NEDD4L: variants seen among roughly 807,000 people sequenced by gnomAD.
NEDD4L encodes E3 ubiquitin-protein ligase NEDD4-like.
In NEDD4L, 54 loss-of-function variants were observed where a neutral mutation model predicts 148.9. The ratio of observed to expected loss-of-function variants is 0.36; its 90% CI spans 0.29 to 0.45. The LOEUF (loss-of-function observed/expected upper bound fraction) is 0.45. Among genes scored for constraint, NEDD4L ranks in the 20% least tolerant of loss-of-function variants. The pLI is 1.00. For missense variants in NEDD4L, 856 were observed against 1,233.8 expected (o/e 0.69, Z 4.59); for synonymous variants, 433 against 440.7 (o/e 0.98, Z 0.22).
At chr18:58,218,730 G>C (rs2043413865) in intron 2 of NEDD4L, among the ~76,000 whole-genome samples, 2 of 152,254 alleles carry the variant, frequency 1.3e-5, no homozygotes, top group South Asian at 4.1e-4. Flanking sequence ...GTAGTGCCCC[G>C]GTAAAAGAAA....
At chr18:58,294,218 C>T (rs2055199563) in intron 5 of NEDD4L, among the ~76,000 whole-genome samples, 1 of 152,202 alleles carries the variant, frequency 6.6e-6, no homozygotes, top group African/African-American at 2.4e-5. Flanking sequence ...TTCCCCTTTT[C>T]CACCACCACC....
chr18:58,089,814 C>T (rs894614087), intron 1 of NEDD4L, among the ~76,000 whole-genome samples: 2 of 150,998 alleles, frequency 1.3e-5, no homozygotes, highest in Non-Finnish European at 2.9e-5. Context: ...GGTCTTTATT[C>T]TGTGTCTGTG....
At chr18:58,064,563 A>G (rs1227029170) in intron 1 of NEDD4L, among the ~76,000 whole-genome samples, 5 of 152,086 alleles carry the variant, frequency 3.3e-5, no homozygotes, top group South Asian at 2.1e-4. Context: ...CCTTTATTCA[A>G]ACTTCTCTTG....
chr18:58,229,342 A>C (rs773997463), intron 2 of NEDD4L, among the ~76,000 whole-genome samples: 2 of 152,142 alleles, frequency 1.3e-5, no homozygotes, highest in Non-Finnish European at 2.9e-5. Flanking sequence ...CTCCCGGGAC[A>C]TTAGTTGCTC....
intron 1 of NEDD4L, among the ~76,000 whole-genome samples, chr18:58,133,676 C>A (rs2032469468): frequency 6.6e-6 from 1 of 152,116 alleles, no homozygotes; most frequent in Non-Finnish European, 1.5e-5. Context: ...GGCTTATGCA[C>A]ACATCATGAT....
Position 58,256,221 on chromosome 18 carries a change from A to G in NEDD4L, c.297+4167A>G. On this transcript the variant is annotated intron_variant, in intron 5 of 30. Coordinates refer to ENST00000400345, the MANE Select transcript of NEDD4L (RefSeq NM_001144967.3). This position sits in a 1 kb window ranked among gnomAD's most constrained non-coding sequence, Gnocchi z 5.2. ...GCTGCCCCGGGCCTGCGCATCCAGCACCGCGCCTCCAGCGCCGACGTGCGC... is the reference window on the plus strand; with the variant it reads ...GCTGCCCCGGGCCTGCGCATCCAGCGCCGCGCCTCCAGCGCCGACGTGCGC... 1 of 1,224,732 alleles carries G rather than the reference A, an allele frequency of 8.2e-7. No individual in the cohort carries two copies. The allele number at this position is 1,224,732 out of a possible 1,614,324, so 75.9% of individuals were successfully genotyped here. A position where few individuals can be genotyped will look rare whatever the true frequency, so the allele number is the denominator to read the frequency against.
At position 58,343,109 on chromosome 18, in the gene NEDD4L, G is replaced by C; in HGVS notation, c.1575+6G>C. 6.3e-7 allele frequency: 1 copy of C among 1,578,472 alleles called. No homozygotes were observed. Among genetic ancestry groups the C allele is most frequent in the Non-Finnish European group, 8.6e-7 (1 of 1,161,262 alleles). On this transcript the variant is annotated splice_donor_region_variant and intron_variant, in intron 16 of 30. Coordinates refer to ENST00000400345, the MANE Select transcript of NEDD4L (RefSeq NM_001144967.3). ...ACACAAAGACTACAACCTGGGTAAG[G>C]CTGCTGCTTTTATTTGGCTCCATTT...
At chr18:58,374,313 G>T (rs1292007079) in intron 24 of NEDD4L, among the ~76,000 whole-genome samples, 4 of 152,002 alleles carry the variant, frequency 2.6e-5, no homozygotes, top group Admixed American at 6.5e-5. Flanking sequence ...CCTGGTGTGG[G>T]TGGAACCTGG....
At chr18:58,345,299 G>A (rs1292680548) in intron 16 of NEDD4L, among the ~76,000 whole-genome samples, 1 of 152,238 alleles carries the variant, frequency 6.6e-6, no homozygotes, top group African/African-American at 2.4e-5. Context: ...CCCTGCGGAA[G>A]ACACACTCTA....
At chr18:58,071,746 C>T (rs2082882661) in intron 1 of NEDD4L, among the ~76,000 whole-genome samples, 2 of 152,244 alleles carry the variant, frequency 1.3e-5, no homozygotes, top group South Asian at 4.1e-4. Flanking sequence ...GCTGGGGAGG[C>T]CTCACAATCA....
chr18:58,311,014 C>CTT (rs76708557), intron 5 of NEDD4L, among the ~76,000 whole-genome samples: 1 of 147,252 alleles, frequency 6.8e-6, no homozygotes, highest in African/African-American at 2.5e-5. Context: ...AACTCTAAAC[C>CTT]TTTTTTTTTT....
chr18:58,148,563 G>A, intron 1 of NEDD4L, among the ~76,000 whole-genome samples: 1 of 152,190 alleles, frequency 6.6e-6, no homozygotes, highest in Middle Eastern at 3.2e-3. Flanking sequence ...GTGGCCCCTT[G>A]CTGTGCCCTC....
intron 1 of NEDD4L, among the ~76,000 whole-genome samples, chr18:58,144,243 A>G (rs535712766): frequency 3.3e-5 from 5 of 152,242 alleles, no homozygotes; most frequent in Non-Finnish European, 7.3e-5. Context: ...GCTGTACTGG[A>G]TGATACAGGA....
intron 5 of NEDD4L, among the ~76,000 whole-genome samples, chr18:58,274,113 G>A (rs1265364415): frequency 4.0e-5 from 6 of 150,188 alleles, no homozygotes; most frequent in African/African-American, 1.5e-4. Flanking sequence ...AGTGAGCCAC[G>A]TAGAGAGAAG....
intron 1 of NEDD4L, among the ~76,000 whole-genome samples, chr18:58,148,093 T>C (rs1049266422): frequency 4.0e-5 from 6 of 151,604 alleles, no homozygotes; most frequent in Admixed American, 3.9e-4. Context: ...ATTCTACTAG[T>C]CCTGCTAGAG....
chr18:58,157,012 C>T (rs1478801582), intron 1 of NEDD4L, among the ~76,000 whole-genome samples: 1 of 144,562 alleles, frequency 6.9e-6, no homozygotes, highest in East Asian at 1.9e-4. Context: ...GAAATCTCTA[C>T]CAAAAAAATA....
intron 5 of NEDD4L, among the ~76,000 whole-genome samples, chr18:58,280,931 A>T (rs547209168): frequency 1.3e-5 from 2 of 152,180 alleles, no homozygotes; most frequent in South Asian, 4.2e-4. Flanking sequence ...CTTTCCACTA[A>T]TGTGACATTT....
intron 5 of NEDD4L, among the ~76,000 whole-genome samples, chr18:58,311,713 T>C (rs960858102): frequency 2.0e-5 from 3 of 150,802 alleles, no homozygotes; most frequent in Non-Finnish European, 2.9e-5. Context: ...GTTTTTGTTG[T>C]TGTTGTTGTT....
At chr18:58,246,592 G>A (rs56882791) in intron 3 of NEDD4L, among the ~76,000 whole-genome samples, 1,818 of 152,256 alleles carry the variant, frequency 0.012, 42 homozygotes, top group African/African-American at 0.041. Flanking sequence ...AGCTTCCTGA[G>A]TAGCTGAGAT....
Sources: gnomAD v4.1 joint callset for allele counts (sites outside exome capture counted in the v4.1 genomes callset) on GRCh38, gnomAD v4.1.1 for gene constraint, Gnocchi (gnomAD v3.1) non-coding constraint, MANE v1.5 for transcripts, NCBI Gene and HGNC (gene_info 2026-07-23, HGNC 2026-07-21) for gene names.